The following SEMA3A variants were observed in gnomAD, a reference collection of about 807,000 sequenced individuals.
The protein encoded by SEMA3A is semaphorin-3A.
Under a neutral mutation model 97.9 loss-of-function variants are expected in SEMA3A, and 29 were observed. That is an observed-to-expected ratio of 0.30 (90% CI 0.22 to 0.40). The LOEUF (loss-of-function observed/expected upper bound fraction) is 0.40, where lower values mean the gene tolerates loss of function less well. Among genes scored for constraint, SEMA3A ranks in the 10% least tolerant of loss-of-function variants. The pLI is 1.00. For missense variants in SEMA3A, 763 were observed against 951.3 expected, an observed-to-expected ratio of 0.80 and a Z score of 2.60; for synonymous variants, 321 against 323.7, an observed-to-expected ratio of 0.99 and a Z score of 0.09.
At chr7:84,344,535 C>T (rs781041645) in intron 2 of SEMA3A, among the ~76,000 whole-genome samples, 1 of 152,146 alleles carries the variant, frequency 6.6e-6, no homozygotes, top group Non-Finnish European at 1.5e-5. Flanking sequence ...TGCAGCTAGA[C>T]TTTGCTGGTT....
chr7:84,441,560 C>T (rs1805274118), intron 1 of SEMA3A, among the ~76,000 whole-genome samples: 1 of 151,766 alleles, frequency 6.6e-6, no homozygotes, highest in African/African-American at 2.4e-5. Flanking sequence ...CTATAGAACA[C>T]CATCAGGCAG....
chr7:84,334,638 C>CA (rs1801992419), intron 2 of SEMA3A, among the ~76,000 whole-genome samples: 2 of 151,352 alleles, frequency 1.3e-5, no homozygotes, highest in Non-Finnish European at 2.9e-5. Context: ...ATTTCTCCCC[C>CA]AACCTGCTGC....
intron 1 of SEMA3A, among the ~76,000 whole-genome samples, chr7:84,437,175 T>C (rs1408659765): frequency 2.0e-5 from 3 of 152,040 alleles, no homozygotes; most frequent in Non-Finnish European, 4.4e-5. Context: ...CAATGAATGA[T>C]CTATGGTAAT....
chr7:84,105,992 T>G (rs2115920925), intron 4 of SEMA3A, among the ~76,000 whole-genome samples: 1 of 152,316 alleles, frequency 6.6e-6, no homozygotes, highest in South Asian at 2.1e-4. Flanking sequence ...GACACATATC[T>G]TACAGAACTG....
chr7:84,442,590 G>A (rs1805299574), intron 1 of SEMA3A, among the ~76,000 whole-genome samples: 1 of 152,062 alleles, frequency 6.6e-6, no homozygotes, highest in Non-Finnish European at 1.5e-5. Flanking sequence ...AAAACAAATA[G>A]TAAAATAGCA....
chr7:84,038,643 C>T (rs1372122782), intron 6 of SEMA3A, among the ~76,000 whole-genome samples: 2 of 151,506 alleles, frequency 1.3e-5, no homozygotes, highest in Non-Finnish European at 2.9e-5. Flanking sequence ...AGTTGATGAC[C>T]CCTCATGAAA....
chr7:84,365,780 G>C (rs1183880548), intron 2 of SEMA3A, among the ~76,000 whole-genome samples: 1 of 150,996 alleles, frequency 6.6e-6, no homozygotes, highest in Admixed American at 6.6e-5. Flanking sequence ...ACCAAATCTA[G>C]ACACAATCTG....
intron 3 of SEMA3A, among the ~76,000 whole-genome samples, chr7:84,113,398 T>C (rs902170699): frequency 5.9e-5 from 9 of 152,206 alleles, no homozygotes; most frequent in Admixed American, 5.2e-4. Context: ...ATATTCATTT[T>C]ATTTGGAAGC....
intron 1 of SEMA3A, among the ~76,000 whole-genome samples, chr7:84,166,984 A>G (rs1797232115): frequency 6.6e-6 from 1 of 152,072 alleles, no homozygotes; most frequent in South Asian, 2.1e-4. Flanking sequence ...TTGCTAGAAG[A>G]GTGTCTATCA....
chr7:84,252,740 T>C (rs1238601589), intron 3 of SEMA3A, among the ~76,000 whole-genome samples: 1 of 152,230 alleles, frequency 6.6e-6, no homozygotes, highest in African/African-American at 2.4e-5. Flanking sequence ...TCTCATCTAT[T>C]TACAGAAATT....
At chr7:84,249,290 A>G (rs1008296560) in intron 3 of SEMA3A, among the ~76,000 whole-genome samples, 18 of 152,096 alleles carry the variant, frequency 1.2e-4, no homozygotes, top group Admixed American at 8.5e-4. Context: ...GAGAATAGCA[A>G]TTGAGACCAA....
chr7:84,406,004 G>C (rs13239725), intron 1 of SEMA3A, among the ~76,000 whole-genome samples: 83,710 of 151,644 alleles, frequency 0.55, 25,139 homozygotes, highest in East Asian at 0.91. Context: ...GAAGCAAAAG[G>C]AAACACATTC....
chr7:84,229,161 C>CA lies in SEMA3A; in HGVS notation c.-82-34494dup, dbSNP rs959322222. Among the ~76,000 whole-genome samples the CA allele has an allele frequency of 2.3e-3, 340 of 146,440 alleles. 2 individuals carry two copies. Among genetic ancestry groups the CA allele is most frequent in the African/African-American group, 7.6e-3 (306 of 40,090 alleles). On this transcript the variant is annotated intron_variant, in intron 3 of 3. Transcript: ENST00000424555. ...CTTTAAAATTGTGGACTAAATTTGG[C>CA]AAAAAAAAAAGTTTTTTTGTTATGT...
At chr7:84,221,816 T>C (rs1457618367) in intron 3 of SEMA3A, among the ~76,000 whole-genome samples, 1 of 151,924 alleles carries the variant, frequency 6.6e-6, no homozygotes, top group African/African-American at 2.4e-5. Context: ...AATATAATAA[T>C]CTAAAAGTTT....
chr7:84,055,194 G>GAGGC (rs768981691), intron 5 of SEMA3A, among the ~76,000 whole-genome samples: 1 of 152,186 alleles, frequency 6.6e-6, no homozygotes, highest in Non-Finnish European at 1.5e-5. Flanking sequence ...GGAGCCTACA[G>GAGGC]AGGCAGGCAG....
chr7:83,997,543 C>T (rs1330368215), intron 12 of SEMA3A, among the ~76,000 whole-genome samples: 1 of 152,092 alleles, frequency 6.6e-6, no homozygotes, highest in Non-Finnish European at 1.5e-5. Flanking sequence ...GTTTTGTCTA[C>T]TTGAGTGCCA....
rs536644793 is a variant in SEMA3A, at chr7:84,185,837, C to T, written c.112+8638G>A. The stretch of plus-strand genomic sequence containing the variant: ...ACATCAGATAACCAAAATCAACGTC[C>T]TTTTCTTTTTTCCTTTGGTAAGAAA... On this transcript the variant is annotated intron_variant, in intron 1 of 16. Coordinates refer to ENST00000265362, the MANE Select transcript of SEMA3A (RefSeq NM_006080.3). Among the ~76,000 whole-genome samples, 19 of 152,080 alleles carry T rather than the reference C, an allele frequency of 1.2e-4. No individual in the cohort carries two copies. The South Asian group carries it at 3.9e-3, about 32-fold the overall frequency.
chr7:84,081,199 G>T (rs1218073514), intron 4 of SEMA3A, among the ~76,000 whole-genome samples: 1 of 152,028 alleles, frequency 6.6e-6, no homozygotes, highest in Non-Finnish European at 1.5e-5. Context: ...CCAACCTGAA[G>T]AATGGACTGA....
chr7:84,030,384 G>T (rs76185749), intron 6 of SEMA3A, among the ~76,000 whole-genome samples: 3,912 of 152,172 alleles, frequency 0.026, 68 homozygotes, highest in Non-Finnish European at 0.041. Flanking sequence ...TTTTTAGACA[G>T]TATGCTTACT....
Sources: gnomAD v4.1 joint callset for allele counts (sites outside exome capture counted in the v4.1 genomes callset) on GRCh38, gnomAD v4.1.1 for gene constraint, MANE v1.5 for transcripts, NCBI Gene and HGNC (gene_info 2026-07-23, HGNC 2026-07-21) for gene names.